The following OR2C1 variants were observed in gnomAD, a reference collection of about 807,000 sequenced individuals.
OR2C1 encodes olfactory receptor 2C1.
For missense variants in OR2C1, 468 were observed against 388.3 expected (o/e 1.21, Z -1.73); for synonymous variants, 209 against 167.3 (o/e 1.25, Z -1.92).
chr16:3,350,460 G>C, the OR2C1 span, among the ~76,000 whole-genome samples: 1 of 150,072 alleles, frequency 6.7e-6, no homozygotes. Flanking sequence ...CGCCCAGGCT[G>C]GAGTGCAGTG....
At chr16:3,355,211 C>T (rs1399122219), upstream of OR2C1, among the ~76,000 whole-genome samples, 9 of 151,726 alleles carry the variant, frequency 5.9e-5, 1 homozygote, top group East Asian at 1.7e-3. Context: ...ACCTGTAATC[C>T]CAGCTTTTTG....
chr16:3,328,578 T>C, the OR2C1 span, among the ~76,000 whole-genome samples: 1 of 152,142 alleles, frequency 6.6e-6, no homozygotes, highest in Non-Finnish European at 1.5e-5. Context: ...GGGAGGACAA[T>C]GTAAGCTTGG....
At chr16:3,353,665 G>T (rs1273779054), upstream of OR2C1, among the ~76,000 whole-genome samples, 1 of 151,892 alleles carries the variant, frequency 6.6e-6, no homozygotes, top group African/African-American at 2.4e-5. Context: ...GTCAGGCGTG[G>T]TGGTGCACTC....
chr16:3,340,134 C>G, the OR2C1 span, among the ~76,000 whole-genome samples: 1 of 152,022 alleles, frequency 6.6e-6, no homozygotes, highest in Admixed American at 6.6e-5. Flanking sequence ...CAAAAATTAG[C>G]CAGGCATGGT....
At chr16:3,337,779 A>C in the OR2C1 span, among the ~76,000 whole-genome samples, 1 of 151,924 alleles carries the variant, frequency 6.6e-6, no homozygotes, top group Non-Finnish European at 1.5e-5. Flanking sequence ...CGTGAAGGTC[A>C]GGTTTCCCTG....
the OR2C1 span, among the ~76,000 whole-genome samples, chr16:3,336,708 C>CT: frequency 0.48 from 43,732 of 91,270 alleles, 11,865 homozygotes; most frequent in East Asian, 0.54. Context: ...TTCTTTCTTT[C>CT]TTTCTTTTTT....
At chr16:3,353,366 CTG>C (rs1487393214), upstream of OR2C1, among the ~76,000 whole-genome samples, 1 of 151,386 alleles carries the variant, frequency 6.6e-6, no homozygotes, top group East Asian at 2.0e-4. Flanking sequence ...TGGTGTGCAC[CTG>C]TAGTCCCAGC....
chr16:3,335,520 C>CTTTTT, the OR2C1 span, among the ~76,000 whole-genome samples: 35 of 55,420 alleles, frequency 6.3e-4, no homozygotes, highest in Non-Finnish European at 7.1e-4. Flanking sequence ...AATGCTACTG[C>CTTTTT]TTTTTTTTTT....
the OR2C1 span, among the ~76,000 whole-genome samples, chr16:3,331,239 T>A: frequency 6.6e-6 from 1 of 152,206 alleles, no homozygotes; most frequent in African/African-American, 2.4e-5. Context: ...GGGTTGTTTG[T>A]TTTTTTCTTG....
the OR2C1 span, among the ~76,000 whole-genome samples, chr16:3,344,450 G>A: frequency 0.014 from 2,096 of 152,200 alleles, 60 homozygotes; most frequent in African/African-American, 0.048. Context: ...TTTGATGGCC[G>A]GGCACGGTGG....
the OR2C1 span, among the ~76,000 whole-genome samples, chr16:3,339,734 G>C: frequency 6.6e-6 from 1 of 152,062 alleles, no homozygotes; most frequent in Non-Finnish European, 1.5e-5. Flanking sequence ...GGGATTACAG[G>C]CATGAGCCAC....
At chr16:3,323,789 C>G in the OR2C1 span, 3 of 753,572 alleles carry the variant, frequency 4.0e-6, no homozygotes, top group African/African-American at 5.2e-5. Context: ...AAACCTGAGC[C>G]CTTTTCCTTT....
the OR2C1 span, among the ~76,000 whole-genome samples, chr16:3,349,639 TA>T: frequency 7.3e-5 from 11 of 151,698 alleles, no homozygotes; most frequent in African/African-American, 2.4e-4. Flanking sequence ...ATCCAGGATA[TA>T]AGAGAGAGAG....
chr16:3,331,227 T>C, the OR2C1 span, among the ~76,000 whole-genome samples: 2 of 152,336 alleles, frequency 1.3e-5, no homozygotes, highest in South Asian at 4.1e-4. Flanking sequence ...CACTTTTTGA[T>C]GGGGTTGTTT....
the OR2C1 span, among the ~76,000 whole-genome samples, chr16:3,338,117 G>T: frequency 6.6e-6 from 1 of 152,148 alleles, no homozygotes; most frequent in Non-Finnish European, 1.5e-5. Context: ...GCTGGCTAAG[G>T]TTTGGGTCCA....
At chr16:3,330,328 G>C in the OR2C1 span, among the ~76,000 whole-genome samples, 15 of 151,878 alleles carry the variant, frequency 9.9e-5, no homozygotes, top group African/African-American at 2.4e-4. Context: ...GTGTTATCCA[G>C]GATGGTCTCG....
In OR2C1 at chr16:3,357,046, T is replaced by G. The variant is rs1212724585; in HGVS notation, c.*167T>G. 4.7e-6 allele frequency: 3 copies of G among 634,086 alleles called. No homozygotes were observed. Among genetic ancestry groups the G allele is most frequent in the East Asian group, 5.6e-5 (2 of 35,662 alleles). 39.3% of individuals were successfully genotyped at this position (634,086 alleles called of 1,614,324 possible). ...GCTGTTGGGAACATGGTTAGTGTTA[T>G]TCGTAATGTTCTACACTTATTTACC... On this transcript the variant is annotated 3_prime_UTR_variant, in exon 1 of 1. Transcript: ENST00000304936.
chr16:3,326,826 T>C, the OR2C1 span, among the ~76,000 whole-genome samples: 1 of 152,196 alleles, frequency 6.6e-6, no homozygotes, highest in Non-Finnish European at 1.5e-5. Context: ...AACTGGGACA[T>C]AGATGAGCCT....
At chr16:3,339,230 A>G in the OR2C1 span, among the ~76,000 whole-genome samples, 1 of 149,974 alleles carries the variant, frequency 6.7e-6, no homozygotes, top group Non-Finnish European at 1.5e-5. Flanking sequence ...TAGCATTTCA[A>G]TCTACCACAA....
Sources: allele counts gnomAD v4.1 joint callset (sites outside exome capture counted in the v4.1 genomes callset), GRCh38; gene constraint gnomAD v4.1.1; transcripts MANE v1.5; gene names NCBI Gene and HGNC (gene_info 2026-07-23, HGNC 2026-07-21).